PRELID2: variants seen among roughly 807,000 people sequenced by gnomAD.
PRELID2 encodes PRELI domain containing 2.
Under a neutral mutation model 28.4 loss-of-function variants are expected in PRELID2, and 25 were observed. The observed-to-expected ratio is 0.88, with a 90% CI of 0.64 to 1.23. PRELID2 has a LOEUF of 1.23. Among genes scored for constraint, PRELID2 ranks in the 50% most tolerant of loss-of-function variants. The pLI is 0.00. For missense variants in PRELID2, 201 were observed against 214.4 expected (o/e 0.94, Z 0.39); for synonymous variants, 76 against 71.6 (o/e 1.06, Z -0.31).
the PRELID2 span, among the ~76,000 whole-genome samples, chr5:145,399,957 C>G: frequency 6.6e-6 from 1 of 152,134 alleles, no homozygotes; most frequent in Admixed American, 6.6e-5. Flanking sequence ...ACCTCCCACT[C>G]GGTACCTCCG....
At chr5:145,303,066 T>C in the PRELID2 span, among the ~76,000 whole-genome samples, 38 of 152,316 alleles carry the variant, frequency 2.5e-4, no homozygotes, top group African/African-American at 7.2e-4. Flanking sequence ...GCTCTACCAC[T>C]GACTAGCTGT....
At chr5:145,567,633 C>T (rs1466827816) in intron 1 of PRELID2, among the ~76,000 whole-genome samples, 1 of 152,154 alleles carries the variant, frequency 6.6e-6, no homozygotes, top group Admixed American at 6.5e-5. Context: ...CCACCTCAGC[C>T]TCCCAAAGTG....
exon 3 of PRELID2, chr5:145,472,115 G>A (rs956644228): frequency 1.3e-5 from 2 of 152,450 alleles, no homozygotes; most frequent in Non-Finnish European, 2.9e-5. Context: ...AGCTTGCAAT[G>A]GCCTCCAGAA....
intron 1 of PRELID2, among the ~76,000 whole-genome samples, chr5:145,533,296 C>T (rs73307643): frequency 8.6e-5 from 13 of 151,970 alleles, no homozygotes; most frequent in African/African-American, 2.7e-4. Context: ...TTCTCAGTCC[C>T]GATGCTAGCA....
At chr5:145,415,077 A>T in the PRELID2 span, among the ~76,000 whole-genome samples, 36 of 152,234 alleles carry the variant, frequency 2.4e-4, no homozygotes, top group East Asian at 5.0e-3. Flanking sequence ...TCTAAAATTG[A>T]TCACATAATT....
the PRELID2 span, among the ~76,000 whole-genome samples, chr5:145,406,974 G>T: frequency 6.6e-6 from 1 of 152,156 alleles, no homozygotes; most frequent in Non-Finnish European, 1.5e-5. Flanking sequence ...ATCTCATGGG[G>T]TTCCTTGAGG....
chr5:145,492,076 T>C (rs557112333), intron 1 of PRELID2, among the ~76,000 whole-genome samples: 8 of 152,202 alleles, frequency 5.3e-5, no homozygotes, highest in Non-Finnish European at 8.8e-5. Context: ...CTGGATCTTA[T>C]AGTAGTTCTA....
chr5:145,333,382 C>T, the PRELID2 span, among the ~76,000 whole-genome samples: 3 of 152,182 alleles, frequency 2.0e-5, no homozygotes, highest in East Asian at 1.9e-4. Flanking sequence ...CTTCCCCTTC[C>T]CCCAGGTGCT....
intron 1 of PRELID2, among the ~76,000 whole-genome samples, chr5:145,714,239 C>T (rs1425770106): frequency 2.0e-5 from 3 of 152,058 alleles, no homozygotes; most frequent in African/African-American, 7.2e-5. Context: ...AGCCTCAATC[C>T]ACTCTGTTTA....
At position 145,692,006 on chromosome 5, in the gene PRELID2, A is replaced by G. The variant is rs573830738; in HGVS notation, n.70+72925T>C. Among the ~76,000 whole-genome samples the G allele has an allele frequency of 3.7e-4, 57 of 152,192 alleles. 1 individual carries two copies. The highest frequency in any genetic ancestry group is 1.3e-3 in the African/African-American group (56 of 41,526). On this transcript the variant is annotated intron_variant and non_coding_transcript_variant, in intron 1 of 2. Transcript: ENST00000510259. ...AATGCATCCTTCAAGACCTATCACAAGCGAGTCCTCCTCTATGATGCTTGC... is the reference window on the plus strand; with the variant it reads ...AATGCATCCTTCAAGACCTATCACAGGCGAGTCCTCCTCTATGATGCTTGC...
chr5:145,760,995 T>G (rs936064157), intron 6 of PRELID2, among the ~76,000 whole-genome samples: 1 of 152,218 alleles, frequency 6.6e-6, no homozygotes, highest in African/African-American at 2.4e-5. Flanking sequence ...AAAAATCACC[T>G]TCTAAGCTTT....
At chr5:145,647,726 G>A (rs879274641) in intron 1 of PRELID2, among the ~76,000 whole-genome samples, 1 of 152,238 alleles carries the variant, frequency 6.6e-6, no homozygotes, top group African/African-American at 2.4e-5. Context: ...GAAAAGTGCA[G>A]TATCTGGGCC....
At chr5:145,245,243 C>A in the PRELID2 span, among the ~76,000 whole-genome samples, 1 of 152,014 alleles carries the variant, frequency 6.6e-6, no homozygotes, top group South Asian at 2.1e-4. Context: ...TGTCACAGTG[C>A]CCAATAGTAA....
In PRELID2 at chr5:145,500,832, C is replaced by G. The variant is rs80309149; in HGVS notation, n.71-27517G>C. Among the ~76,000 whole-genome samples the G allele has an allele frequency of 7.3e-3, 1,113 of 152,262 alleles. 9 individuals carry two copies. Among genetic ancestry groups the G allele is most frequent in the African/African-American group, 0.025 (1,053 of 41,562 alleles). On this transcript the variant is annotated intron_variant and non_coding_transcript_variant, in intron 1 of 2. Coordinates refer to the PRELID2 transcript ENST00000510259. ...GGTGAGACTAATTTCACTGCTGCTG[C>G]TGATGCCACCACCACTGCTGCTGCA...
At chr5:145,548,805 C>CTGCA (rs1752808741) in intron 1 of PRELID2, among the ~76,000 whole-genome samples, 1 of 152,198 alleles carries the variant, frequency 6.6e-6, no homozygotes, top group Non-Finnish European at 1.5e-5. Context: ...AAAGAGCTAA[C>CTGCA]TGCATCTCTT....
the PRELID2 span, among the ~76,000 whole-genome samples, chr5:145,320,446 A>AT: frequency 4.0e-5 from 6 of 151,412 alleles, no homozygotes; most frequent in Non-Finnish European, 7.4e-5. Flanking sequence ...AATTTTTTGT[A>AT]TTTTTTTTAG....
intron 1 of PRELID2, among the ~76,000 whole-genome samples, chr5:145,705,594 G>A (rs975500324): frequency 3.3e-5 from 5 of 152,090 alleles, no homozygotes; most frequent in Middle Eastern, 3.2e-3. Flanking sequence ...AAATAGTTAG[G>A]CTACCAAAAT....
chr5:145,522,536 C>T (rs1035958990), intron 1 of PRELID2, among the ~76,000 whole-genome samples: 1 of 152,116 alleles, frequency 6.6e-6, no homozygotes, highest in African/African-American at 2.4e-5. Context: ...TATGAATATA[C>T]TTTCTTTTTC....
intron 5 of PRELID2, among the ~76,000 whole-genome samples, chr5:145,794,252 T>C (rs557689106): frequency 7.2e-5 from 11 of 152,126 alleles, no homozygotes; most frequent in Non-Finnish European, 1.2e-4. Flanking sequence ...CTGGCAGTGT[T>C]CAGTTCCCAG....
Sources: allele counts gnomAD v4.1 joint callset (sites outside exome capture counted in the v4.1 genomes callset), GRCh38; gene constraint gnomAD v4.1.1; transcripts MANE v1.5; gene names NCBI Gene and HGNC (gene_info 2026-07-23, HGNC 2026-07-21).